DIP2B: variants seen among roughly 807,000 people sequenced by gnomAD.
DIP2B encodes DIP2 acetate--CoA ligase B (putative).
DIP2B carries 76 observed loss-of-function variants against 198.0 expected under a neutral mutation model. The ratio of observed to expected loss-of-function variants is 0.38; its 90% CI spans 0.32 to 0.46. The LOEUF is 0.46. Ranked by LOEUF, DIP2B falls within the 20% of genes least tolerant of loss-of-function variation. The probability of loss-of-function intolerance (pLI) is 0.99; values close to 1 mark genes in which losing one functional copy is unlikely to be tolerated. For missense variants in DIP2B, 1,559 were observed against 1,978.4 expected, an observed-to-expected ratio of 0.79 and a Z score of 4.02; for synonymous variants, 701 against 739.1, an observed-to-expected ratio of 0.95 and a Z score of 0.84.
chr12:50,740,119 G>A lies in DIP2B; in HGVS notation c.4354+533G>A, dbSNP rs182114824. On this transcript the variant is annotated intron_variant, in intron 36 of 37. Transcript: ENST00000301180. The stretch of plus-strand genomic sequence containing the variant: ...AGTTGATTGTCACAGCTTCACTGCT[G>A]CCCGCCATCACTCTTTCTTCCAGAC... Among the ~76,000 whole-genome samples, 19 of 152,308 alleles carry A rather than the reference G, an allele frequency of 1.2e-4. No homozygotes were observed. The East Asian group carries it at 3.1e-3, about 25-fold the overall frequency.
intron 1 of DIP2B, among the ~76,000 whole-genome samples, chr12:50,605,427 G>A (rs145542401): frequency 2.0e-4 from 31 of 152,224 alleles, no homozygotes; most frequent in African/African-American, 7.2e-4. Context: ...AGCCATGCAG[G>A]GTGGTGTGTG....
chr12:50,523,808 CCAATTTCCT>C (rs1387698189), intron 1 of DIP2B, among the ~76,000 whole-genome samples: 6 of 152,010 alleles, frequency 3.9e-5, no homozygotes, highest in African/African-American at 1.2e-4. Flanking sequence ...AGTTGTCTTC[CCAATTTCCT>C]CAAATTATAA....
intron 12 of DIP2B, among the ~76,000 whole-genome samples, 180 bp from the exon 13 acceptor site, chr12:50,690,869 A>G (rs999573226): frequency 4.6e-5 from 7 of 152,080 alleles, no homozygotes; most frequent in African/African-American, 9.7e-5. Context: ...TCATCCTCCA[A>G]TCCTATCTTT....
At chr12:50,580,798 A>G (rs527897046) in intron 1 of DIP2B, among the ~76,000 whole-genome samples, 1 of 148,642 alleles carries the variant, frequency 6.7e-6, no homozygotes, top group East Asian at 2.4e-4. Context: ...AGAATTACTA[A>G]TTGTTTTGTT....
chr12:50,636,592 A>G (rs1938163584), intron 2 of DIP2B, among the ~76,000 whole-genome samples: 1 of 152,210 alleles, frequency 6.6e-6, no homozygotes, highest in Non-Finnish European at 1.5e-5. Context: ...CAAAGGGGAA[A>G]GATCCCCACA....
intron 35 of DIP2B, among the ~76,000 whole-genome samples, chr12:50,738,169 G>A (rs1472970093): frequency 2.0e-5 from 3 of 151,940 alleles, no homozygotes; most frequent in African/African-American, 7.3e-5. Context: ...AGGAAACTCC[G>A]TCTCTACTAA....
chr12:50,669,756 C>T (rs922916467), intron 4 of DIP2B, among the ~76,000 whole-genome samples: 1 of 152,078 alleles, frequency 6.6e-6, no homozygotes, highest in Non-Finnish European at 1.5e-5. Flanking sequence ...TGCTCTGGAC[C>T]TGCAGAATTT....
intron 1 of DIP2B, among the ~76,000 whole-genome samples, chr12:50,623,529 G>A (rs112981241): frequency 2.4e-3 from 251 of 104,072 alleles, no homozygotes; most frequent in Middle Eastern, 5.1e-3. Flanking sequence ...ACACACACAC[G>A]CACACACACA....
intron 30 of DIP2B, among the ~76,000 whole-genome samples, chr12:50,730,377 T>C (rs1940018814): frequency 1.8e-5 from 2 of 110,238 alleles, no homozygotes; most frequent in Admixed American, 9.8e-5. Context: ...TCTTTCTCTC[T>C]CTCTCTTTTT....
intron 3 of DIP2B, among the ~76,000 whole-genome samples, chr12:50,646,681 C>T (rs1938356520): frequency 6.6e-6 from 1 of 152,162 alleles, no homozygotes; most frequent in Non-Finnish European, 1.5e-5. Context: ...CCTGGCCTCT[C>T]AATGTGCTGG....
intron 1 of DIP2B, among the ~76,000 whole-genome samples, chr12:50,536,291 A>ACATACATC (rs1445697195): frequency 6.6e-6 from 1 of 151,786 alleles, no homozygotes; most frequent in South Asian, 2.1e-4. Context: ...ATACATACAT[A>ACATACATC]CATACATACA....
At chr12:50,682,521 C>T (rs1378975587) in intron 9 of DIP2B, among the ~76,000 whole-genome samples, 3 of 144,946 alleles carry the variant, frequency 2.1e-5, no homozygotes, top group South Asian at 2.3e-4. Context: ...CCCAGCTACT[C>T]GGGAGGCTGA....
chr12:50,521,537 G>C (rs912646514), intron 1 of DIP2B, among the ~76,000 whole-genome samples: 10 of 138,984 alleles, frequency 7.2e-5, no homozygotes, highest in Middle Eastern at 3.4e-3. Flanking sequence ...TCTGTTGCCA[G>C]GCTAGAGTGC....
intron 5 of DIP2B, among the ~76,000 whole-genome samples, chr12:50,673,837 C>G (rs78347160): frequency 1.3e-5 from 2 of 152,172 alleles, no homozygotes; most frequent in East Asian, 3.8e-4. Context: ...ACTATTTAGT[C>G]TCTACCTGGA....
intron 1 of DIP2B, among the ~76,000 whole-genome samples, chr12:50,609,001 G>A (rs189080481): frequency 7.2e-5 from 11 of 152,250 alleles, no homozygotes; most frequent in African/African-American, 2.4e-4. Context: ...AATTAGCCAG[G>A]TGTGCTGATG....
chr12:50,540,706 G>A (rs538136443), intron 1 of DIP2B, among the ~76,000 whole-genome samples: 2 of 151,624 alleles, frequency 1.3e-5, no homozygotes, highest in South Asian at 4.2e-4. Context: ...CCGCCACGGC[G>A]CCCGGCTAAT....
In DIP2B at chr12:50,596,785, G is replaced by A. The variant is rs117034518; in HGVS notation, c.101-29191G>A. Among the ~76,000 whole-genome samples the A allele has an allele frequency of 3.9e-5, 6 of 152,220 alleles. No homozygotes were observed. The East Asian group carries it at 1.2e-3, about 29-fold the overall frequency. ...ATGAAAAAAATAGACTGAGAATTCGGTAACTAAGGAGTTGGATAACCCAAG... is the reference window on the plus strand; with the variant it reads ...ATGAAAAAAATAGACTGAGAATTCGATAACTAAGGAGTTGGATAACCCAAG... On this transcript the variant is annotated intron_variant, in intron 1 of 37. Transcript: ENST00000301180.
chr12:50,599,460 A>G (rs1407400121), intron 1 of DIP2B, among the ~76,000 whole-genome samples: 1 of 152,104 alleles, frequency 6.6e-6, no homozygotes, highest in African/African-American at 2.4e-5. Flanking sequence ...TACTGAAAAT[A>G]CAAAAAATTA....
intron 33 of DIP2B, 60 bp from the exon 34 acceptor site, chr12:50,735,013 G>C (rs1487388365): frequency 1.3e-6 from 2 of 1,599,790 alleles, no homozygotes; most frequent in African/African-American, 2.7e-5. Flanking sequence ...CCGAGCTGCA[G>C]GAACATGGCG....
Sources: allele counts gnomAD v4.1 joint callset (sites outside exome capture counted in the v4.1 genomes callset), GRCh38; gene constraint gnomAD v4.1.1; transcripts MANE v1.5; gene names NCBI Gene and HGNC (gene_info 2026-07-23, HGNC 2026-07-21).